Variants in CCDC149 observed in about 807,000 individuals in gnomAD.
CCDC149 encodes the protein coiled-coil domain-containing protein 149.
Under a neutral mutation model 59.9 loss-of-function variants are expected in CCDC149, and 45 were observed. The ratio of observed to expected loss-of-function variants is 0.75; its 90% CI spans 0.59 to 0.96. The LOEUF is 0.96. Ranked by LOEUF, CCDC149 falls within the 40% of genes least tolerant of loss-of-function variation. The probability of loss-of-function intolerance (pLI) is 0.00; values close to 1 mark genes in which losing one functional copy is unlikely to be tolerated. For missense variants in CCDC149, 584 were observed against 664.7 expected (o/e 0.88, Z 1.33); for synonymous variants, 245 against 260.6 (o/e 0.94, Z 0.58).
At chr4:24,963,568 C>T (rs1723710181) in intron 1 of CCDC149, among the ~76,000 whole-genome samples, 1 of 152,110 alleles carries the variant, frequency 6.6e-6, no homozygotes, top group Non-Finnish European at 1.5e-5. Flanking sequence ...GTCAGTGGAC[C>T]CAATGGGGAT....
At chr4:24,914,410 A>T (rs896365045), upstream of CCDC149, among the ~76,000 whole-genome samples, 2 of 152,082 alleles carry the variant, frequency 1.3e-5, no homozygotes, top group Non-Finnish European at 2.9e-5. Context: ...AAAAAGAAAA[A>T]AAAAGGCTTT....
chr4:24,916,050 A>C (rs1453951976), upstream of CCDC149, among the ~76,000 whole-genome samples: 1 of 152,248 alleles, frequency 6.6e-6, no homozygotes, highest in Non-Finnish European at 1.5e-5. Context: ...CCCATCCGAC[A>C]GTCCATTTGC....
chr4:24,811,354 C>T (rs899663505), intron 12 of CCDC149, among the ~76,000 whole-genome samples: 4 of 152,108 alleles, frequency 2.6e-5, no homozygotes, highest in Middle Eastern at 3.4e-3. Flanking sequence ...GTCTATCCTG[C>T]GTCCCCCCTG....
chr4:24,873,958 T>C lies in CCDC149; in HGVS notation c.226-239A>G, dbSNP rs185245408. Reference sequence around the variant, plus strand: ...CCCATTAGGACCAAATCTATATATTTCCTAAAATTGTTTGAACACAAAAAC... The same window carrying C: ...CCCATTAGGACCAAATCTATATATTCCCTAAAATTGTTTGAACACAAAAAC... On this transcript the variant is annotated intron_variant, in intron 2 of 12. Transcript: ENST00000635206. Among the ~76,000 whole-genome samples the C allele has an allele frequency of 2.0e-3, 308 of 150,304 alleles. 3 individuals are homozygous for C. The highest frequency in any genetic ancestry group is 6.8e-3 in the African/African-American group (281 of 41,222).
chr4:24,914,405 GAAAA>G (rs1056544211), upstream of CCDC149, among the ~76,000 whole-genome samples: 2 of 121,964 alleles, frequency 1.6e-5, no homozygotes, highest in East Asian at 4.9e-4. Context: ...AAAAAAAAAA[GAAAA>G]AAAAAGGCTT....
intron 12 of CCDC149, among the ~76,000 whole-genome samples, chr4:24,811,335 G>C (rs188637088): frequency 4.0e-4 from 61 of 151,946 alleles, no homozygotes; most frequent in Non-Finnish European, 6.2e-4. Context: ...TCATATCTTC[G>C]ATCCTTCAGT....
chr4:24,894,911 C>T (rs1331875729), intron 1 of CCDC149: 6 of 1,518,880 alleles, frequency 4.0e-6, no homozygotes, highest in South Asian at 1.2e-5. Flanking sequence ...GCCATTTAGG[C>T]TTTCTGATAG....
intron 1 of CCDC149, among the ~76,000 whole-genome samples, chr4:24,940,724 A>G (rs1023571371): frequency 6.6e-5 from 10 of 152,322 alleles, no homozygotes; most frequent in Non-Finnish European, 1.2e-4. Flanking sequence ...ATGGAAAACA[A>G]AAAAAGGCAG....
intron 1 of CCDC149, among the ~76,000 whole-genome samples, chr4:24,927,716 C>G (rs1468069014): frequency 6.6e-6 from 1 of 152,078 alleles, no homozygotes; most frequent in Non-Finnish European, 1.5e-5. Flanking sequence ...ACTTGATCTA[C>G]CACCTCCTCC....
At chr4:24,952,826 C>T (rs914096417) in intron 1 of CCDC149, among the ~76,000 whole-genome samples, 3 of 151,766 alleles carry the variant, frequency 2.0e-5, no homozygotes, top group South Asian at 2.1e-4. Flanking sequence ...TTAAATAACT[C>T]ACCTTTCCCC....
chr4:24,907,168 C>T (rs780449011), intron 1 of CCDC149, among the ~76,000 whole-genome samples: 12 of 152,180 alleles, frequency 7.9e-5, no homozygotes, highest in Non-Finnish European at 1.5e-4. Context: ...CTCACTGTTC[C>T]ACTGCTGCCT....
At chr4:24,880,696 C>A (rs1461825198) in intron 1 of CCDC149, among the ~76,000 whole-genome samples, 2 of 152,100 alleles carry the variant, frequency 1.3e-5, no homozygotes, top group African/African-American at 4.8e-5. Context: ...AGAAGGAACC[C>A]AAATTAGAAT....
At chr4:24,979,502 A>G (rs1724371679) in intron 1 of CCDC149, among the ~76,000 whole-genome samples, 1 of 152,198 alleles carries the variant, frequency 6.6e-6, no homozygotes, top group Non-Finnish European at 1.5e-5. Flanking sequence ...GCCTACCTCT[A>G]GACTTGTCAT....
intron 12 of CCDC149, among the ~76,000 whole-genome samples, chr4:24,816,879 C>T (rs549038308): frequency 1.3e-5 from 2 of 152,094 alleles, no homozygotes; most frequent in East Asian, 1.9e-4. Context: ...GCCACTGGCC[C>T]GAAAAGGCGA....
chr4:24,861,671 G>C, intron 3 of CCDC149, among the ~76,000 whole-genome samples: 1 of 152,062 alleles, frequency 6.6e-6, no homozygotes, highest in Non-Finnish European at 1.5e-5. Flanking sequence ...AAGCTGAGGA[G>C]CATCTGTGTA....
chr4:24,949,867 G>A (rs986797449), intron 1 of CCDC149, among the ~76,000 whole-genome samples: 3 of 152,214 alleles, frequency 2.0e-5, no homozygotes, highest in African/African-American at 4.8e-5. Flanking sequence ...GGATTCATCC[G>A]TGGACTCCCC....
chr4:24,832,236 A>T (rs16876192), intron 8 of CCDC149, among the ~76,000 whole-genome samples: 3,506 of 152,328 alleles, frequency 0.023, 142 homozygotes, highest in African/African-American at 0.08. Context: ...AAAACCAATG[A>T]TTTCACAGGT....
At chr4:24,804,936 C>T (rs1400054537), downstream of CCDC149, among the ~76,000 whole-genome samples, 3 of 152,050 alleles carry the variant, frequency 2.0e-5, no homozygotes, top group African/African-American at 7.2e-5. Context: ...CCATCAGGAG[C>T]CTCCCAGCTA....
chr4:24,843,416 C>T (rs533873545), intron 4 of CCDC149, among the ~76,000 whole-genome samples: 82 of 152,296 alleles, frequency 5.4e-4, no homozygotes, highest in African/African-American at 1.9e-3. Flanking sequence ...AAGACCCTGC[C>T]TATTATTTCT....
Sources: allele counts gnomAD v4.1 joint callset (sites outside exome capture counted in the v4.1 genomes callset), GRCh38; gene constraint gnomAD v4.1.1; transcripts MANE v1.5; gene names NCBI Gene and HGNC (gene_info 2026-07-23, HGNC 2026-07-21).